The following IGF2BP3 variants were observed in gnomAD, a reference collection of about 807,000 sequenced individuals.
The protein encoded by IGF2BP3 is insulin like growth factor 2 mRNA binding protein 3, also known as insulin-like growth factor 2 mRNA-binding protein 3.
In IGF2BP3, 9 loss-of-function variants were observed where a neutral mutation model predicts 73.8. The observed-to-expected ratio is 0.12, with a 90% CI of 0.07 to 0.21. The LOEUF (loss-of-function observed/expected upper bound fraction) is 0.21, where lower values mean the gene tolerates loss of function less well. Ranked by LOEUF, IGF2BP3 falls within the 10% of genes least tolerant of loss-of-function variation. The probability of loss-of-function intolerance (pLI) is 1.00; values close to 1 mark genes in which losing one functional copy is unlikely to be tolerated. For synonymous variants in IGF2BP3, 258 were observed against 256.7 expected, an observed-to-expected ratio of 1.01 and a Z score of -0.05; for missense variants, 542 against 714.0, an observed-to-expected ratio of 0.76 and a Z score of 2.75.
At chr7:23,378,110 T>C (rs981822424) in intron 3 of IGF2BP3, among the ~76,000 whole-genome samples, 16 of 152,160 alleles carry the variant, frequency 1.1e-4, no homozygotes, top group African/African-American at 3.9e-4. Context: ...ACATCAAATA[T>C]AGTTCGATTT....
chr7:23,430,694 A>C (rs1031194897), intron 2 of IGF2BP3, among the ~76,000 whole-genome samples: 6 of 152,364 alleles, frequency 3.9e-5, no homozygotes, highest in African/African-American at 1.4e-4. Flanking sequence ...TACTCCAAGC[A>C]AATACTTGGG....
intron 10 of IGF2BP3, among the ~76,000 whole-genome samples, chr7:23,329,973 G>A (rs982463695): frequency 2.6e-5 from 4 of 152,126 alleles, no homozygotes; most frequent in African/African-American, 9.7e-5. Flanking sequence ...CTCTCAATGG[G>A]TATAGATATG....
At chr7:23,468,373 C>T (rs2128553248) in intron 2 of IGF2BP3, 109 bp downstream of exon 2, 7 of 1,100,982 alleles carry the variant, frequency 6.4e-6, no homozygotes, top group East Asian at 2.4e-5. Flanking sequence ...CGGAACACCA[C>T]GCCACACGGC....
chr7:23,366,819 C>A (rs961763973), intron 3 of IGF2BP3, among the ~76,000 whole-genome samples: 1 of 152,058 alleles, frequency 6.6e-6, no homozygotes, highest in South Asian at 2.1e-4. Context: ...GGATTTCCAA[C>A]CCCCAAATGA....
chr7:23,449,714 C>T (rs1239101883), intron 2 of IGF2BP3, among the ~76,000 whole-genome samples: 1 of 151,744 alleles, frequency 6.6e-6, no homozygotes, highest in South Asian at 2.1e-4. Context: ...TGCGCTACCA[C>T]ACCCCGCTCA....
chr7:23,394,863 A>G (rs565644627), intron 3 of IGF2BP3, among the ~76,000 whole-genome samples: 1 of 152,386 alleles, frequency 6.6e-6, no homozygotes, highest in South Asian at 2.1e-4. Context: ...TATGGGAAAG[A>G]TACCATGTAA....
In IGF2BP3 at chr7:23,310,589, C is replaced by T. The variant is rs1304063961; in HGVS notation, c.*1773G>A. 6.6e-6 allele frequency: 1 copy of T among 151,970 alleles called. No homozygotes were observed. The highest frequency in any genetic ancestry group is 2.4e-5 in the African/African-American group (1 of 41,384). 9.4% of individuals were successfully genotyped at this position (151,970 alleles called of 1,614,324 possible). ...GTCCATGATTTTAGCAATTTTAATT[C>T]ATTGTATGAAAAAAAAATCATGAAT... On this transcript the variant is annotated 3_prime_UTR_variant, in exon 15 of 15. Coordinates refer to ENST00000258729, the MANE Select transcript of IGF2BP3 (RefSeq NM_006547.3).
rs111295755 is a variant in IGF2BP3 at position 23,456,133 on chromosome 7, C to A, written c.236+12349G>T. Among the ~76,000 whole-genome samples, 681 of 152,138 alleles carry A rather than the reference C, an allele frequency of 4.5e-3. 1 individual carries two copies. Among genetic ancestry groups the A allele is most frequent in the Non-Finnish European group, 7.3e-3 (498 of 68,024 alleles). On this transcript the variant is annotated intron_variant, in intron 2 of 14. Coordinates refer to ENST00000258729, the MANE Select transcript of IGF2BP3 (RefSeq NM_006547.3). ...AAAAATGCAAAAATAGGTAAACTCGCATACAAGAAATACAGAAACTAAAAA... is the reference window on the plus strand; with the variant it reads ...AAAAATGCAAAAATAGGTAAACTCGAATACAAGAAATACAGAAACTAAAAA...
intron 3 of IGF2BP3, among the ~76,000 whole-genome samples, chr7:23,411,750 T>C (rs939253374): frequency 6.6e-6 from 1 of 152,136 alleles, no homozygotes; most frequent in Non-Finnish European, 1.5e-5. Flanking sequence ...GGATGTCACC[T>C]AACTCACTCC....
intron 2 of IGF2BP3, among the ~76,000 whole-genome samples, chr7:23,460,352 A>ACCC (rs1204672189): frequency 1.3e-5 from 2 of 151,770 alleles, no homozygotes; most frequent in African/African-American, 4.8e-5. Context: ...ACATGGTGAA[A>ACCC]CCCTGTCTCT....
At chr7:23,366,988 CTTT>C (rs397942338) in intron 3 of IGF2BP3, among the ~76,000 whole-genome samples, 4 of 116,148 alleles carry the variant, frequency 3.4e-5, no homozygotes, top group Non-Finnish European at 7.3e-5. Context: ...TCACATTTTG[CTTT>C]TTTTTTTTTT....
intron 3 of IGF2BP3, among the ~76,000 whole-genome samples, chr7:23,384,113 AAAAGAAT>A (rs1786005934): frequency 1.3e-5 from 2 of 151,580 alleles, no homozygotes; most frequent in Non-Finnish European, 2.9e-5. Flanking sequence ...AAAAAAAAAA[AAAAGAAT>A]AAAAGTCTGG....
chr7:23,426,814 G>C (rs1046728595), intron 2 of IGF2BP3, among the ~76,000 whole-genome samples: 2 of 152,118 alleles, frequency 1.3e-5, no homozygotes, highest in African/African-American at 4.8e-5. Context: ...AGCTACTAGT[G>C]ATCACTGCCT....
intron 5 of IGF2BP3, among the ~76,000 whole-genome samples, chr7:23,358,292 A>C (rs1302865816): frequency 2.0e-5 from 3 of 152,246 alleles, no homozygotes. Flanking sequence ...CATCAAGGTC[A>C]CATAGCCTTC....
At chr7:23,452,984 C>T (rs1323720373) in intron 2 of IGF2BP3, among the ~76,000 whole-genome samples, 1 of 152,026 alleles carries the variant, frequency 6.6e-6, no homozygotes, top group East Asian at 1.9e-4. Flanking sequence ...TGATGGCGCA[C>T]ACCTGTAGTC....
Position 23,411,666 on chromosome 7 carries a change from G to C in IGF2BP3, c.285+7110C>G, listed in dbSNP as rs148410797. 3.7e-3 allele frequency among the ~76,000 whole-genome samples: 570 copies of C among 152,268 alleles called. 1 individual carries two copies. The highest frequency in any genetic ancestry group is 0.013 in the African/African-American group (546 of 41,546). On this transcript the variant is annotated intron_variant, in intron 3 of 14. Coordinates refer to ENST00000258729, the MANE Select transcript of IGF2BP3 (RefSeq NM_006547.3). ...CATGGACCAAGTAGCACCTAACACA[G>C]CATCAAAAACAATCAGCAGTTGGAC...
intron 3 of IGF2BP3, 83 bp downstream of exon 3, chr7:23,418,693 A>G: frequency 2.3e-6 from 2 of 887,188 alleles, no homozygotes; most frequent in South Asian, 1.6e-5. Context: ...CCAAGAGTTG[A>G]GGAAAGGAGA....
chr7:23,376,333 G>T (rs1785716965), intron 3 of IGF2BP3, among the ~76,000 whole-genome samples: 1 of 151,862 alleles, frequency 6.6e-6, no homozygotes, highest in African/African-American at 2.4e-5. Flanking sequence ...AAGGCAGGCG[G>T]ATCACCTGAG....
At chr7:23,389,848 A>T (rs1362226476) in intron 3 of IGF2BP3, among the ~76,000 whole-genome samples, 1 of 151,382 alleles carries the variant, frequency 6.6e-6, no homozygotes, top group Non-Finnish European at 1.5e-5. Flanking sequence ...AAAAAAAAAA[A>T]AATTAGCTGG....
Sources: gnomAD v4.1 joint callset for allele counts (sites outside exome capture counted in the v4.1 genomes callset) on GRCh38, gnomAD v4.1.1 for gene constraint, MANE v1.5 for transcripts, NCBI Gene and HGNC (gene_info 2026-07-23, HGNC 2026-07-21) for gene names.